Variants in DGLUCY observed in about 807,000 individuals in gnomAD.
The protein encoded by DGLUCY is D-glutamate cyclase.
A neutral mutation model predicts 58.5 loss-of-function variants in DGLUCY; 58 were observed. The observed-to-expected ratio is 0.99, with a 90% confidence interval of 0.80 to 1.23. The LOEUF (loss-of-function observed/expected upper bound fraction) is 1.23, where lower values mean the gene tolerates loss of function less well. DGLUCY is among the 50% of genes most tolerant of loss of function. The pLI is 0.00. For missense variants in DGLUCY, 779 were observed against 784.7 expected (o/e 0.99, Z 0.09); for synonymous variants, 325 against 314.1 (o/e 1.03, Z -0.37).
chr14:91,172,924 G>A (rs765900051), intron 5 of DGLUCY, among the ~76,000 whole-genome samples: 7 of 152,184 alleles, frequency 4.6e-5, no homozygotes, highest in Non-Finnish European at 8.8e-5. Context: ...GATTACAGGT[G>A]TGAGCCATCG....
At chr14:91,196,308 A>G (rs532011213) in intron 9 of DGLUCY, 67 bp from the exon 10 acceptor site, 5 of 1,334,406 alleles carry the variant, frequency 3.7e-6, no homozygotes, top group Non-Finnish European at 5.3e-6. Context: ...GCTTTTGAAA[A>G]GCCAACGTGA....
At chr14:91,172,249 G>A (rs943318464) in intron 5 of DGLUCY, among the ~76,000 whole-genome samples, 1 of 151,696 alleles carries the variant, frequency 6.6e-6, no homozygotes, top group African/African-American at 2.4e-5. Context: ...TTATGGTTTT[G>A]GTTTTTTTTG....
At chr14:91,092,562 T>G (rs920002852) in intron 1 of DGLUCY, among the ~76,000 whole-genome samples, 1 of 152,216 alleles carries the variant, frequency 6.6e-6, no homozygotes, top group Non-Finnish European at 1.5e-5. Context: ...TGCACACATT[T>G]GAGAAACAGT....
intron 1 of DGLUCY, among the ~76,000 whole-genome samples, chr14:91,127,601 C>T (rs568633745): frequency 2.6e-5 from 4 of 152,328 alleles, no homozygotes; most frequent in East Asian, 1.9e-4. Flanking sequence ...AGGCAGGGAA[C>T]GCCGGGCAGA....
In DGLUCY at chr14:91,079,761, A is replaced by G. The variant is rs375670625; in HGVS notation, c.-82+19057A>G. Among the ~76,000 whole-genome samples the G allele has an allele frequency of 1.4e-4, 21 of 152,354 alleles. No individual in the cohort carries two copies. In the East Asian group the frequency reaches 3.1e-3, roughly 22 times the overall value. ...ATATCAAATTGTTGTACTAGAAAAG[A>G]TTCAGAAAAAAAGGTTTGAATGCTT... On this transcript the variant is annotated intron_variant, in intron 1 of 4. Coordinates refer to the DGLUCY transcript ENST00000521334.
At chr14:91,149,071 A>T (rs1440919546) in intron 1 of DGLUCY, among the ~76,000 whole-genome samples, 1 of 152,026 alleles carries the variant, frequency 6.6e-6, no homozygotes, top group Non-Finnish European at 1.5e-5. Context: ...AACATGGAGA[A>T]ACCCCGTCTC....
intron 1 of DGLUCY, among the ~76,000 whole-genome samples, chr14:91,123,350 C>T (rs1178935115): frequency 3.3e-5 from 5 of 152,148 alleles, no homozygotes; most frequent in African/African-American, 1.2e-4. Flanking sequence ...TATTAGCGCA[C>T]ATCTTGAAGC....
chr14:91,181,088 T>C, intron 7 of DGLUCY, 98 bp from the exon 8 acceptor site: 1 of 1,158,310 alleles, frequency 8.6e-7, no homozygotes, highest in Non-Finnish European at 1.3e-6. Flanking sequence ...GCTGAGTTGA[T>C]GGCCAGGTGC....
intron 1 of DGLUCY, among the ~76,000 whole-genome samples, chr14:91,133,905 T>A (rs1187016930): frequency 6.6e-6 from 1 of 152,226 alleles, no homozygotes; most frequent in African/African-American, 2.4e-5. Flanking sequence ...AGGTTGAGTA[T>A]CTTTTCATGT....
intron 13 of DGLUCY, among the ~76,000 whole-genome samples, chr14:91,218,442 T>G (rs1261778590): frequency 6.6e-6 from 1 of 151,156 alleles, no homozygotes. Context: ...CTCACTCTGT[T>G]ACCAGGCTGG....
chr14:91,112,914 G>A (rs923601316), upstream of DGLUCY, among the ~76,000 whole-genome samples: 25 of 149,612 alleles, frequency 1.7e-4, no homozygotes, highest in African/African-American at 6.2e-4. Flanking sequence ...CAGGAGAATG[G>A]CGTGAACCCA....
intron 3 of DGLUCY, among the ~76,000 whole-genome samples, chr14:91,164,752 T>TG (rs2048182283): frequency 1.3e-5 from 2 of 152,204 alleles, no homozygotes; most frequent in Admixed American, 6.5e-5. Flanking sequence ...CAATCACCCC[T>TG]GTAGCCACCA....
chr14:91,136,363 T>C (rs1019509215), intron 1 of DGLUCY, among the ~76,000 whole-genome samples: 6 of 151,956 alleles, frequency 3.9e-5, no homozygotes, highest in African/African-American at 1.5e-4. Flanking sequence ...TTAATGAAAG[T>C]TTTATGTGAC....
intron 1 of DGLUCY, among the ~76,000 whole-genome samples, chr14:91,156,526 A>G (rs186857382): frequency 9.8e-5 from 15 of 152,342 alleles, no homozygotes; most frequent in Non-Finnish European, 8.8e-5. Context: ...CAGAGAAATT[A>G]CTTTCTAAAG....
At chr14:91,149,130 C>T (rs2140291928) in intron 1 of DGLUCY, among the ~76,000 whole-genome samples, 2 of 151,236 alleles carry the variant, frequency 1.3e-5, no homozygotes, top group South Asian at 4.2e-4. Context: ...GCCTGTAATC[C>T]CAGCTACTCG....
intron 8 of DGLUCY, among the ~76,000 whole-genome samples, chr14:91,187,355 G>A (rs554261710): frequency 8.5e-5 from 13 of 152,254 alleles, no homozygotes; most frequent in African/African-American, 2.4e-4. Flanking sequence ...GTCCTCTCAC[G>A]TCCCTTCAGT....
intron 9 of DGLUCY, among the ~76,000 whole-genome samples, chr14:91,193,056 T>C (rs532559251): frequency 3.9e-5 from 6 of 151,928 alleles, no homozygotes; most frequent in African/African-American, 1.4e-4. Flanking sequence ...ACTGTGGAAA[T>C]AAATGGAGGC....
intron 8 of DGLUCY, among the ~76,000 whole-genome samples, chr14:91,182,225 C>G (rs144413811): frequency 6.6e-6 from 1 of 152,344 alleles, no homozygotes; most frequent in Non-Finnish European, 1.5e-5. Flanking sequence ...AGGTAATCCA[C>G]CCATCTCGGC....
chr14:91,076,215 G>A (rs1216434527), intron 1 of DGLUCY, among the ~76,000 whole-genome samples: 1 of 152,094 alleles, frequency 6.6e-6, no homozygotes, highest in Non-Finnish European at 1.5e-5. Flanking sequence ...CTCAGTATCT[G>A]TGGGGGATTA....
Sources: gnomAD v4.1 joint callset for allele counts (sites outside exome capture counted in the v4.1 genomes callset) on GRCh38, gnomAD v4.1.1 for gene constraint, MANE v1.5 for transcripts, NCBI Gene and HGNC (gene_info 2026-07-23, HGNC 2026-07-21) for gene names.